The following MARCHF11 variants were observed in gnomAD, a reference collection of about 807,000 sequenced individuals.
The protein encoded by MARCHF11 is membrane associated ring-CH-type finger 11.
A neutral mutation model predicts 37.3 loss-of-function variants in MARCHF11; 29 were observed. The observed-to-expected ratio is 0.78, with a 90% CI of 0.58 to 1.06. The LOEUF (loss-of-function observed/expected upper bound fraction) is 1.06, where lower values mean the gene tolerates loss of function less well. Ranked by LOEUF, MARCHF11 falls within the 50% of genes least tolerant of loss-of-function variation. The pLI, the probability that MARCHF11 is intolerant of heterozygous loss-of-function variation, is 0.00. For synonymous variants in MARCHF11, 233 were observed against 228.0 expected (o/e 1.02, Z -0.20); for missense variants, 482 against 533.4 (o/e 0.90, Z 0.95).
intron 2 of MARCHF11, among the ~76,000 whole-genome samples, chr5:16,122,584 C>T (rs1560981128): frequency 6.6e-6 from 1 of 152,136 alleles, no homozygotes; most frequent in South Asian, 2.1e-4. Context: ...AAATAATGCT[C>T]ATAACAGTTT....
At chr5:16,142,617 C>T (rs933345842) in intron 2 of MARCHF11, among the ~76,000 whole-genome samples, 2 of 151,904 alleles carry the variant, frequency 1.3e-5, no homozygotes, top group Admixed American at 1.3e-4. Flanking sequence ...CTGGCTTCCA[C>T]TACCCCGGCC....
chr5:16,077,877 T>C (rs1736546457), intron 3 of MARCHF11, among the ~76,000 whole-genome samples: 1 of 152,212 alleles, frequency 6.6e-6, no homozygotes, highest in Non-Finnish European at 1.5e-5. Context: ...CCCTTTTGTT[T>C]TAGACTCTTT....
intron 3 of MARCHF11, among the ~76,000 whole-genome samples, chr5:16,080,746 T>C (rs539782018): frequency 4.6e-5 from 7 of 152,214 alleles, no homozygotes; most frequent in Non-Finnish European, 8.8e-5. Context: ...TTCTAGCAGC[T>C]TCCCAGCAGT....
intron 2 of MARCHF11, among the ~76,000 whole-genome samples, chr5:16,170,430 T>A (rs148686771): frequency 6.6e-6 from 1 of 152,282 alleles, no homozygotes; most frequent in Admixed American, 6.5e-5. Context: ...TCAAGGCTTT[T>A]TTTCTATGGT....
intron 2 of MARCHF11, among the ~76,000 whole-genome samples, chr5:16,126,956 A>T (rs1005087149): frequency 1.3e-5 from 2 of 152,206 alleles, no homozygotes; most frequent in Non-Finnish European, 2.9e-5. Context: ...ATAAATTTTT[A>T]ATAACAACAT....
intron 3 of MARCHF11, among the ~76,000 whole-genome samples, chr5:16,076,279 G>T (rs1736516565): frequency 6.6e-6 from 1 of 151,864 alleles, no homozygotes; most frequent in African/African-American, 2.4e-5. Flanking sequence ...AAAAAATATG[G>T]TATATCTTTT....
intron 2 of MARCHF11, among the ~76,000 whole-genome samples, chr5:16,144,260 A>G (rs1252011327): frequency 6.6e-6 from 1 of 152,222 alleles, no homozygotes; most frequent in Non-Finnish European, 1.5e-5. Context: ...TAGAAAACAT[A>G]AAAGTCAAGA....
chr5:16,167,260 G>A (rs1400292240), intron 2 of MARCHF11, among the ~76,000 whole-genome samples: 3 of 151,964 alleles, frequency 2.0e-5, no homozygotes, highest in Non-Finnish European at 4.4e-5. Context: ...CAGCAAGCTG[G>A]ACACTCAAAA....
chr5:16,177,383 A>G (rs1304093641), intron 2 of MARCHF11, among the ~76,000 whole-genome samples: 1 of 152,242 alleles, frequency 6.6e-6, no homozygotes, highest in Non-Finnish European at 1.5e-5. Context: ...CAAAATATTA[A>G]TAAAATCAAT....
At chr5:16,142,884 CTTTTTTTTTTTTT>C (rs61225598) in intron 2 of MARCHF11, among the ~76,000 whole-genome samples, 4 of 52,214 alleles carry the variant, frequency 7.7e-5, no homozygotes, top group Non-Finnish European at 1.2e-4. Flanking sequence ...CCACACCTGG[CTTTTTTTTTTTTT>C]TTTTTTTTTT....
intron 3 of MARCHF11, among the ~76,000 whole-genome samples, chr5:16,070,100 T>G (rs1736407356): frequency 6.6e-6 from 1 of 152,234 alleles, no homozygotes; most frequent in Non-Finnish European, 1.5e-5. Flanking sequence ...TTTATCAACT[T>G]CTTTTTTCAA....
chr5:16,159,195 A>G (rs867169679), intron 2 of MARCHF11, among the ~76,000 whole-genome samples: 1 of 151,952 alleles, frequency 6.6e-6, no homozygotes, highest in Non-Finnish European at 1.5e-5. Flanking sequence ...AAATTATATA[A>G]ATGAATAAAA....
chr5:16,168,457 T>C (rs1738206842), intron 2 of MARCHF11, among the ~76,000 whole-genome samples: 1 of 152,158 alleles, frequency 6.6e-6, no homozygotes, highest in South Asian at 2.1e-4. Context: ...GAAAACCTTG[T>C]CCAGATTTGA....
At chr5:16,135,270 C>CCAATTGT (rs1737588977) in intron 2 of MARCHF11, among the ~76,000 whole-genome samples, 1 of 152,042 alleles carries the variant, frequency 6.6e-6, no homozygotes, top group Non-Finnish European at 1.5e-5. Context: ...AGAGGATAAA[C>CCAATTGT]CAATTACACA....
chr5:16,150,442 A>C (rs150939381), intron 2 of MARCHF11, among the ~76,000 whole-genome samples: 2 of 149,510 alleles, frequency 1.3e-5, no homozygotes, highest in Non-Finnish European at 2.9e-5. Context: ...AGGCAGGGTA[A>C]ATGGCCTCCA....
chr5:16,168,545 GA>G (rs1202506401), intron 2 of MARCHF11, among the ~76,000 whole-genome samples: 1 of 152,164 alleles, frequency 6.6e-6, no homozygotes, highest in African/African-American at 2.4e-5. Context: ...GGAGGAGACG[GA>G]AAGGTGGTTT....
intron 3 of MARCHF11, among the ~76,000 whole-genome samples, chr5:16,078,881 G>C (rs574280651): frequency 2.6e-5 from 4 of 152,208 alleles, no homozygotes; most frequent in Admixed American, 6.5e-5. Flanking sequence ...AGATCTCTCT[G>C]AGGCTATGCA....
intron 2 of MARCHF11, among the ~76,000 whole-genome samples, chr5:16,131,304 G>C (rs180789497): frequency 3.7e-4 from 56 of 152,296 alleles, no homozygotes; most frequent in African/African-American, 1.2e-3. Context: ...ACCTTCTATG[G>C]AGAAATGGGA....
intron 3 of MARCHF11, among the ~76,000 whole-genome samples, chr5:16,075,762 G>A (rs926825796): frequency 2.6e-5 from 4 of 152,204 alleles, no homozygotes; most frequent in Non-Finnish European, 5.9e-5. Context: ...GGCAGTTCAG[G>A]ATGAGATTGG....
Sources: allele counts gnomAD v4.1 joint callset (sites outside exome capture counted in the v4.1 genomes callset), GRCh38; gene constraint gnomAD v4.1.1; transcripts MANE v1.5; gene names NCBI Gene and HGNC (gene_info 2026-07-23, HGNC 2026-07-21).